CCDC33: variants seen among roughly 807,000 people sequenced by gnomAD.
CCDC33 encodes coiled-coil domain-containing protein 33.
A neutral mutation model predicts 91.9 loss-of-function variants in CCDC33; 94 were observed. The observed-to-expected ratio is 1.02, with a 90% CI of 0.87 to 1.21. The LOEUF (loss-of-function observed/expected upper bound fraction) is 1.21. Ranked by LOEUF, CCDC33 falls within the 50% of genes most tolerant of loss-of-function variation. The pLI, the probability that CCDC33 is intolerant of heterozygous loss-of-function variation, is 0.00. For missense variants in CCDC33, 940 were observed against 935.5 expected, an observed-to-expected ratio of 1.00 and a Z score of -0.06; for synonymous variants, 396 against 374.5, an observed-to-expected ratio of 1.06 and a Z score of -0.66.
rs1346071385 is a variant in CCDC33 at position 74,316,572 on chromosome 15, G to C, written c.1291-13617G>C. On this transcript the variant is annotated intron_variant, in intron 11 of 18. Coordinates refer to ENST00000398814, the MANE Select transcript of CCDC33 (RefSeq NM_025055.5). The surrounding 1 kb of genome is among the most constrained non-coding windows in gnomAD (Gnocchi z 4.7). ...CCCAGGATCTTGGGGATAGCAGGGG[G>C]CACACACCCATTTCCCTGGTGGGGA... is the stretch of plus-strand genomic sequence containing the variant. 6.6e-6 allele frequency among the ~76,000 whole-genome samples: 1 copy of C among 152,156 alleles called. No individual in the cohort carries two copies. The highest frequency in any genetic ancestry group is 1.5e-5 in the Non-Finnish European group (1 of 68,018).
At chr15:74,217,791 C>T (rs1162244790) in intron 1 of CCDC33, among the ~76,000 whole-genome samples, 2 of 152,050 alleles carry the variant, frequency 1.3e-5, no homozygotes, top group African/African-American at 2.4e-5. Context: ...ACACTGGTGC[C>T]TGTCACGCAA....
At chr15:74,296,096 A>G (rs1223066106) in intron 11 of CCDC33, 148 bp downstream of exon 11, 8 of 639,092 alleles carry the variant, frequency 1.3e-5, no homozygotes, top group Non-Finnish European at 2.1e-5. Context: ...GAGTTACCCC[A>G]AAGTCAAACT....
intron 2 of CCDC33, among the ~76,000 whole-genome samples, chr15:74,257,050 C>A (rs1178439472): frequency 6.6e-6 from 1 of 152,254 alleles, no homozygotes; most frequent in African/African-American, 2.4e-5. Flanking sequence ...AGGGGAAGAG[C>A]TGGGCCCTCA....
intron 11 of CCDC33, among the ~76,000 whole-genome samples, chr15:74,308,812 C>CA (rs2059940030): frequency 1.3e-5 from 2 of 152,300 alleles, no homozygotes; most frequent in South Asian, 4.1e-4. Context: ...CCAGGAAGAG[C>CA]AATGACAGCT....
upstream of CCDC33, among the ~76,000 whole-genome samples, chr15:74,235,294 C>G (rs1031014040): frequency 7.9e-5 from 12 of 152,204 alleles, no homozygotes; most frequent in Admixed American, 7.9e-4. Flanking sequence ...CTCAGTTTTT[C>G]TGTCTCTAAA....
At chr15:74,330,130 A>G in intron 11 of CCDC33, 59 bp from the exon 12 acceptor site, 3 of 1,484,664 alleles carry the variant, frequency 2.0e-6, no homozygotes, top group South Asian at 1.4e-5. Flanking sequence ...GTAGATGTGG[A>G]TGTGGGACCA....
rs112155010 is a variant in CCDC33, at chr15:74,330,353, G to A, written c.1455G>A (p.Thr485=). 49 of 1,588,494 alleles carry A rather than the reference G, an allele frequency of 3.1e-5. No homozygotes were observed. The highest frequency in any genetic ancestry group is 1.9e-4 in the African/African-American group (14 of 74,538). The change falls in exon 12 of 19, where the codon ACG becomes ACA. Residue 485 remains threonine, a splice_region_variant and synonymous_variant. Coordinates refer to ENST00000398814, the MANE Select transcript of CCDC33 (RefSeq NM_025055.5). ...GQGKASEAQN[T]VSMKQKLLLS... ...GCAAAGCCAGTGAGGCCCAGAACAC[G>A]GGTGAGGATGTGCAGGCCACCAAGG...
At chr15:74,296,027 A>G (rs1596056460) in intron 11 of CCDC33, 79 bp downstream of exon 11, 1 of 1,297,424 alleles carries the variant, frequency 7.7e-7, no homozygotes, top group African/African-American at 1.5e-5. Flanking sequence ...CATCTGCAGG[A>G]CTGCTTCATG....
chr15:74,216,943 T>TC (rs529460616), upstream of CCDC33, among the ~76,000 whole-genome samples: 84 of 152,190 alleles, frequency 5.5e-4, no homozygotes, highest in African/African-American at 2.0e-3. Context: ...TCTACCCACC[T>TC]CCCCCACTAG....
chr15:74,218,478 C>T lies in CCDC33; in HGVS notation c.311-19C>T. The T allele has an allele frequency of 2.4e-6, 3 of 1,265,790 alleles. No homozygotes were observed. Among genetic ancestry groups the T allele is most frequent in the South Asian group, 1.3e-5 (1 of 75,660 alleles). The allele number at this position is 1,265,790 out of a possible 1,614,324, so 78.4% of individuals were successfully genotyped here. ...GAGAAACCTGAGACCATCTCTGAGC[C>T]CTGTGTTCCCTCATCCAGGTTTCTG... On this transcript the variant is annotated intron_variant, in intron 1 of 2. Transcript: ENST00000635913. This position sits in a 1 kb window ranked among gnomAD's most constrained non-coding sequence, Gnocchi z 4.8.
chr15:74,235,424 C>T (rs907579827), upstream of CCDC33, among the ~76,000 whole-genome samples: 15 of 152,184 alleles, frequency 9.9e-5, no homozygotes, highest in Non-Finnish European at 1.5e-4. Context: ...TCCTGCTCTT[C>T]GGCCAGATTA....
At position 74,236,510 on chromosome 15, in the gene CCDC33, C is replaced by T; in HGVS notation, c.-210C>T. On this transcript the variant is annotated 5_prime_UTR_variant, in exon 1 of 19. Transcript: ENST00000398814. ...AGATCCAGGACCTGCTCCCACCTGG[C>T]CACCCTCCCCCTCCCCCCACATCCA... is the stretch of plus-strand genomic sequence containing the variant. The T allele has an allele frequency of 3.1e-6, 1 of 322,196 alleles. No individual in the cohort carries two copies. The highest frequency in any genetic ancestry group is 5.9e-6 in the Non-Finnish European group (1 of 169,762). The allele number at this position is 322,196 out of a possible 1,614,324, so 20.0% of individuals were successfully genotyped here.
At chr15:74,314,337 G>A (rs992899024) in intron 11 of CCDC33, among the ~76,000 whole-genome samples, 3 of 152,250 alleles carry the variant, frequency 2.0e-5, no homozygotes, top group African/African-American at 7.2e-5. Flanking sequence ...AAGTGGGCCT[G>A]CCAAAGAGTA....
chr15:74,246,106 T>C (rs2075521349), intron 2 of CCDC33, among the ~76,000 whole-genome samples: 1 of 152,208 alleles, frequency 6.6e-6, no homozygotes, highest in Non-Finnish European at 1.5e-5. Flanking sequence ...AAGCACACAA[T>C]AGGCATAAGA....
intron 1 of CCDC33, among the ~76,000 whole-genome samples, chr15:74,203,819 G>A (rs1270613196): frequency 1.3e-5 from 2 of 152,122 alleles, no homozygotes; most frequent in Admixed American, 1.3e-4. Flanking sequence ...TGGGGATGGG[G>A]GGAGATTCCT....
At position 74,335,894 on chromosome 15, in the gene CCDC33, G is replaced by T. The variant is rs184219394; in HGVS notation, c.2140-31G>T. 6.4e-5 allele frequency: 99 copies of T among 1,556,800 alleles called. No individual in the cohort carries two copies. In the East Asian group the frequency reaches 2.0e-3, roughly 31 times the overall value. Reference sequence around the variant, plus strand: ...GCAGGTCACCCCCTGGGAATGGGGGGTACTCACGCACCCCGCTTTGCACAC... The same window carrying T: ...GCAGGTCACCCCCTGGGAATGGGGGTTACTCACGCACCCCGCTTTGCACAC... On this transcript the variant is annotated intron_variant, in intron 18 of 18. Transcript: ENST00000398814.
rs868641872 is a variant in CCDC33 at position 74,218,729 on chromosome 15, T to A, written c.543T>A (p.Cys181Ter). Residue 181 changes from cysteine to a stop codon, truncating the protein, a stop_gained, in exon 2 of 3, where the codon TGT becomes TGA. Coordinates refer to the CCDC33 transcript ENST00000635913. LOFTEE classifies it high-confidence loss of function. The surrounding 1 kb of genome is among the most constrained non-coding windows in gnomAD (Gnocchi z 4.8). The stretch of plus-strand genomic sequence containing the variant: ...GCACGGACCCCACAGCCCGACACTG[T>A]GGGAGCCTGGCCTACAGTGTGGCCT... 3 of 1,289,816 alleles carry A rather than the reference T, an allele frequency of 2.3e-6. 1 individual carries two copies. The South Asian group carries it at 3.7e-5, about 16-fold the overall frequency. The allele number at this position is 1,289,816 out of a possible 1,614,324, so 79.9% of individuals were successfully genotyped here. A position where few individuals can be genotyped will look rare whatever the true frequency, so the allele number is the denominator to read the frequency against.
At chr15:74,222,652 G>T (rs1217656877) in intron 2 of CCDC33, among the ~76,000 whole-genome samples, 4 of 151,780 alleles carry the variant, frequency 2.6e-5, no homozygotes, top group African/African-American at 9.7e-5. Flanking sequence ...TAAGCCTGTG[G>T]ATTCTGATTG....
At chr15:74,336,208 G>A (rs2060565023), downstream of CCDC33, 1 of 1,432,624 alleles carries the variant, frequency 7.0e-7, no homozygotes, top group East Asian at 2.6e-5. Context: ...ACCTCACTCT[G>A]GGCCTGGGCC....
Sources: gnomAD v4.1 joint callset for allele counts (sites outside exome capture counted in the v4.1 genomes callset) on GRCh38, gnomAD v4.1.1 for gene constraint, Gnocchi (gnomAD v3.1) non-coding constraint, MANE v1.5 for transcripts, NCBI Gene and HGNC (gene_info 2026-07-23, HGNC 2026-07-21) for gene names.